VTCN1: variants seen among roughly 807,000 people sequenced by gnomAD.
VTCN1 encodes V-set domain containing T cell activation inhibitor 1.
In VTCN1, 26 loss-of-function variants were observed where a neutral mutation model predicts 26.5. The observed-to-expected ratio is 0.98, with a 90% CI of 0.72 to 1.36. The LOEUF is 1.36. VTCN1 is among the 40% of genes most tolerant of loss of function. The probability of loss-of-function intolerance (pLI) is 0.00; values close to 1 mark genes in which losing one functional copy is unlikely to be tolerated. For synonymous variants in VTCN1, 116 were observed against 130.7 expected (o/e 0.89, Z 0.77); for missense variants, 298 against 337.7 (o/e 0.88, Z 0.92).
At chr1:117,173,297 G>T in intron 1 of VTCN1, 1 of 631,976 alleles carries the variant, frequency 1.6e-6, no homozygotes, top group Non-Finnish European at 2.9e-6. Flanking sequence ...ACCAGAGTAG[G>T]GTAGTGGTTA....
At chr1:117,173,391 A>ACAC in intron 1 of VTCN1, 1 of 320,244 alleles carries the variant, frequency 3.1e-6, no homozygotes, top group Non-Finnish European at 5.4e-6. Context: ...CACACACACA[A>ACAC]CACCATGTAA....
rs1270290722 is a variant in VTCN1, at chr1:117,159,551, A to G, written c.98-2630T>C. ...GATTTGGGTGGGGACACAGAGCCAA[A>G]CTATATCACCTACTTTAAAGGTTTC... is the stretch of plus-strand genomic sequence containing the variant. On this transcript the variant is annotated intron_variant, in intron 2 of 5. Coordinates refer to ENST00000369458, the MANE Select transcript of VTCN1 (RefSeq NM_024626.4). This position sits in a 1 kb window ranked among gnomAD's most constrained non-coding sequence, Gnocchi z 4.7. Among the ~76,000 whole-genome samples, 1 of 152,226 alleles carries G rather than the reference A, an allele frequency of 6.6e-6. No individual in the cohort carries two copies. Among genetic ancestry groups the G allele is most frequent in the Non-Finnish European group, 1.5e-5 (1 of 68,042 alleles).
In VTCN1 at chr1:117,173,365, A is replaced by AACACACAC. The variant is rs140251705; in HGVS notation, c.33-3202_33-3195dup. On this transcript the variant is annotated intron_variant, in intron 1 of 5. Coordinates refer to ENST00000369458, the MANE Select transcript of VTCN1 (RefSeq NM_024626.4). The stretch of plus-strand genomic sequence containing the variant: ...AAAAGGGGAAATTTGGACACAGATG[A>AACACACAC]ACACACACACACACACACACACACA... 4.2e-3 allele frequency: 1,614 copies of AACACACAC among 383,664 alleles called. 23 individuals are homozygous for AACACACAC. Among genetic ancestry groups the AACACACAC allele is most frequent in the African/African-American group, 0.027 (1,263 of 46,432 alleles). 23.8% of individuals were successfully genotyped at this position (383,664 alleles called of 1,614,324 possible).
Position 117,155,048 on chromosome 1 carries a change from G to C in VTCN1, c.445+1526C>G, listed in dbSNP as rs1651999087. On this transcript the variant is annotated intron_variant, in intron 3 of 5. Coordinates refer to ENST00000369458, the MANE Select transcript of VTCN1 (RefSeq NM_024626.4). This position sits in a 1 kb window ranked among gnomAD's most constrained non-coding sequence, Gnocchi z 4.8. ...GACAGTTTTGAGGAGTACTGGTTAG[G>C]TATTTTGAGGAGTACCGGTTAGGTA... is the stretch of plus-strand genomic sequence containing the variant. Among the ~76,000 whole-genome samples the C allele has an allele frequency of 6.6e-6, 1 of 152,092 alleles. No individual in the cohort carries two copies. Among genetic ancestry groups the C allele is most frequent in the Non-Finnish European group, 1.5e-5 (1 of 68,008 alleles).
At chr1:117,172,549 G>A in intron 1 of VTCN1, 1 of 496,896 alleles carries the variant, frequency 2.0e-6, no homozygotes, top group East Asian at 5.5e-5. Context: ...CATTTACTTT[G>A]GATAAAATAC....
chr1:117,175,755 ATCTCTC>A lies in VTCN1; in HGVS notation c.33-5590_33-5585del, dbSNP rs201137610. On this transcript the variant is annotated intron_variant, in intron 1 of 5. Coordinates refer to ENST00000369458, the MANE Select transcript of VTCN1 (RefSeq NM_024626.4). This position sits in a 1 kb window ranked among gnomAD's most constrained non-coding sequence, Gnocchi z 4.2. Reference sequence around the variant, plus strand: ...AAAATAAACCAGAAGAGAGATACCTATCTCTCTCTCTCTCTCTCTTTTTTTTTTTTT... The same window carrying A: ...AAAATAAACCAGAAGAGAGATACCTATCTCTCTCTCTCTTTTTTTTTTTTT... 1.4e-5 allele frequency among the ~76,000 whole-genome samples: 2 copies of A among 140,228 alleles called. No homozygotes were observed. The highest frequency in any genetic ancestry group is 2.3e-4 in the South Asian group (1 of 4,358). The allele number at this position is 140,228 out of a possible 152,430, so 92.0% of individuals were successfully genotyped here. A position where few individuals can be genotyped will look rare whatever the true frequency, so the allele number is the denominator to read the frequency against.
chr1:117,208,126 C>T (rs753720974), intron 1 of VTCN1, among the ~76,000 whole-genome samples: 3 of 152,176 alleles, frequency 2.0e-5, no homozygotes, highest in Non-Finnish European at 4.4e-5. Context: ...CTGAGTCTAT[C>T]GAAGGCCCAG....
chr1:117,185,558 A>T (rs1408899727), intron 1 of VTCN1, among the ~76,000 whole-genome samples: 1 of 152,136 alleles, frequency 6.6e-6, no homozygotes, highest in Non-Finnish European at 1.5e-5. Flanking sequence ...GATAGGAAGC[A>T]GAGGGGGTCA....
At chr1:117,190,230 G>C (rs546523626) in intron 1 of VTCN1, among the ~76,000 whole-genome samples, 1 of 152,340 alleles carries the variant, frequency 6.6e-6, no homozygotes, top group Admixed American at 6.5e-5. Flanking sequence ...AGACAGACTT[G>C]CCAATCTCAG....
At chr1:117,194,929 G>C (rs1385345553) in intron 1 of VTCN1, among the ~76,000 whole-genome samples, 1 of 152,106 alleles carries the variant, frequency 6.6e-6, no homozygotes, top group African/African-American at 2.4e-5. Context: ...AGAGTAATAA[G>C]TTCTGGGGAT....
At chr1:117,160,647 TTCTG>T (rs1475696412) in intron 2 of VTCN1, among the ~76,000 whole-genome samples, 3 of 152,376 alleles carry the variant, frequency 2.0e-5, no homozygotes, top group Non-Finnish European at 2.9e-5. Flanking sequence ...TCATAGTCCA[TTCTG>T]TCTGTCTGTA....
intron 1 of VTCN1, among the ~76,000 whole-genome samples, chr1:117,194,329 CA>C (rs1387850535): frequency 6.6e-6 from 1 of 152,122 alleles, no homozygotes; most frequent in Non-Finnish European, 1.5e-5. Flanking sequence ...GATATCACCT[CA>C]CACCTGTTAG....
chr1:117,170,022 G>T, intron 2 of VTCN1, 85 bp downstream of exon 2: 1 of 1,304,140 alleles, frequency 7.7e-7, no homozygotes, highest in Non-Finnish European at 1.1e-6. Flanking sequence ...CAAAGCTCTG[G>T]GCTCTTTCCA....
intron 4 of VTCN1, among the ~76,000 whole-genome samples, chr1:117,151,504 T>G (rs754999359): frequency 9.2e-5 from 14 of 152,202 alleles, no homozygotes; most frequent in Non-Finnish European, 1.9e-4. Context: ...CCAGCTTTTA[T>G]TCCCTTATTT....
chr1:117,195,804 T>A (rs1273251375), intron 1 of VTCN1, among the ~76,000 whole-genome samples: 1 of 152,188 alleles, frequency 6.6e-6, no homozygotes. Flanking sequence ...AGGAATTTAT[T>A]CTACAGAATC....
Position 117,169,825 on chromosome 1 carries a change from G to A in VTCN1, c.97+282C>T, listed in dbSNP as rs1355891593. ...TGAGAGGATGGCTTGAACCCAGGAGGTGGAGGTTGCAGTAAGCTGAGATCA... is the reference window on the plus strand; with the variant it reads ...TGAGAGGATGGCTTGAACCCAGGAGATGGAGGTTGCAGTAAGCTGAGATCA... On this transcript the variant is annotated intron_variant, in intron 2 of 5. Transcript: ENST00000369458. This position sits in a 1 kb window ranked among gnomAD's most constrained non-coding sequence, Gnocchi z 4.0. Among the ~76,000 whole-genome samples, 1 of 152,142 alleles carries A rather than the reference G, an allele frequency of 6.6e-6. No homozygotes were observed. The highest frequency in any genetic ancestry group is 1.5e-5 in the Non-Finnish European group (1 of 68,014).
chr1:117,150,550 T>C lies in VTCN1; in HGVS notation c.724+2541A>G, dbSNP rs146911982. Among the ~76,000 whole-genome samples the C allele has an allele frequency of 9.2e-4, 140 of 152,314 alleles. No homozygotes were observed. The East Asian group carries it at 0.015, about 16-fold the overall frequency. On this transcript the variant is annotated intron_variant, in intron 4 of 5. Coordinates refer to ENST00000369458, the MANE Select transcript of VTCN1 (RefSeq NM_024626.4). ...TAATCCTAACCAGGATAGTTGCCAATTTGTTCCTCAAGATGGTGCAAGAGC... is the reference window on the plus strand; with the variant it reads ...TAATCCTAACCAGGATAGTTGCCAACTTGTTCCTCAAGATGGTGCAAGAGC...
intron 1 of VTCN1, among the ~76,000 whole-genome samples, chr1:117,186,128 C>T (rs1479923460): frequency 6.6e-6 from 1 of 152,152 alleles, no homozygotes; most frequent in Non-Finnish European, 1.5e-5. Context: ...ACCATCTTTT[C>T]CAGAAACTGG....
chr1:117,189,958 G>A (rs1648164880), intron 1 of VTCN1, among the ~76,000 whole-genome samples: 1 of 152,214 alleles, frequency 6.6e-6, no homozygotes, highest in Non-Finnish European at 1.5e-5. Flanking sequence ...ACAAGCTACA[G>A]ATCCAGAAAT....
Sources: gnomAD v4.1 joint callset for allele counts (sites outside exome capture counted in the v4.1 genomes callset) on GRCh38, gnomAD v4.1.1 for gene constraint, Gnocchi (gnomAD v3.1) non-coding constraint, MANE v1.5 for transcripts, NCBI Gene and HGNC (gene_info 2026-07-23, HGNC 2026-07-21) for gene names.